TFB1M: variants seen among roughly 807,000 people sequenced by gnomAD.
TFB1M encodes the protein dimethyladenosine transferase 1, mitochondrial.
Under a neutral mutation model 31.1 loss-of-function variants are expected in TFB1M, and 27 were observed. The ratio of observed to expected loss-of-function variants is 0.87; its 90% CI spans 0.64 to 1.20. The LOEUF is 1.20. TFB1M is among the 50% of genes most tolerant of loss of function. TFB1M has a pLI of 0.00. For missense variants in TFB1M, 394 were observed against 418.7 expected (o/e 0.94, Z 0.51); for synonymous variants, 166 against 151.8 (o/e 1.09, Z -0.69).
chr6:155,275,832 C>T (rs1235641400), intron 5 of TFB1M: 1 of 1,614,090 alleles, frequency 6.2e-7, no homozygotes, highest in Non-Finnish European at 8.5e-7. Flanking sequence ...GATGTGGACT[C>T]CAACATCATA....
intron 5 of TFB1M, among the ~76,000 whole-genome samples, chr6:155,284,188 A>G (rs143811235): frequency 6.4e-4 from 98 of 152,354 alleles, no homozygotes; most frequent in African/African-American, 2.3e-3. Context: ...GAGCATGGAG[A>G]TCACTTAGGC....
At position 155,257,843 on chromosome 6, in the gene TFB1M, CTG is replaced by C; in HGVS notation, c.1032_1033del (p.Tyr344Ter). ...CTCGCCCCCAGGCAGCAGCTAGAGT[CTG>C]TAATTCTCTGCGTCATCCTCTTCTT... On this transcript the variant is annotated stop_gained and frameshift_variant, in exon 7 of 7. Transcript: ENST00000367166. LOFTEE classifies it high-confidence loss of function. 3 of 1,614,136 alleles carry C rather than the reference CTG, an allele frequency of 1.9e-6. No homozygotes were observed. The highest frequency in any genetic ancestry group is 2.2e-5 in the East Asian group (1 of 44,888).
intron 5 of TFB1M, among the ~76,000 whole-genome samples, chr6:155,264,600 TC>T (rs201314804): frequency 0.012 from 1,782 of 152,344 alleles, 37 homozygotes; most frequent in African/African-American, 0.038. Context: ...AGAAGTTCTG[TC>T]CTCACCCTTT....
Position 155,257,004 on chromosome 6 carries a change from T to C in TFB1M, c.*832A>G, listed in dbSNP as rs781432314. 8.7e-6 allele frequency: 14 copies of C among 1,614,192 alleles called. No homozygotes were observed. The highest frequency in any genetic ancestry group is 9.3e-6 in the Non-Finnish European group (11 of 1,180,040). On this transcript the variant is annotated 3_prime_UTR_variant, in exon 7 of 7. Coordinates refer to ENST00000367166, the MANE Select transcript of TFB1M (RefSeq NM_016020.4). ...GTCACCAGTCCCTTGACAGTCAGTC[T>C]GAAAATGCCACCATCGACCTAAATT...
chr6:155,299,217 TC>T (rs1777320949), intron 2 of TFB1M, among the ~76,000 whole-genome samples: 1 of 152,112 alleles, frequency 6.6e-6, no homozygotes, highest in African/African-American at 2.4e-5. Flanking sequence ...AATAGCTACT[TC>T]CCAACCTATT....
At chr6:155,265,538 C>T (rs1356392434) in intron 5 of TFB1M, among the ~76,000 whole-genome samples, 2 of 151,394 alleles carry the variant, frequency 1.3e-5, no homozygotes, top group East Asian at 1.9e-4. Flanking sequence ...TAGGTCAAAT[C>T]ACTTTAAATT....
chr6:155,263,362 A>G (rs1784475896), intron 5 of TFB1M, among the ~76,000 whole-genome samples: 1 of 152,262 alleles, frequency 6.6e-6, no homozygotes, highest in Non-Finnish European at 1.5e-5. Flanking sequence ...TTCTAGTTTA[A>G]TGCCGCCAGC....
At chr6:155,236,801 G>A in the TFB1M span, among the ~76,000 whole-genome samples, 1 of 152,238 alleles carries the variant, frequency 6.6e-6, no homozygotes, top group Non-Finnish European at 1.5e-5. Context: ...GCATGGGAAA[G>A]GCCCACCCCC....
At chr6:155,272,264 C>T (rs879611819) in intron 5 of TFB1M, among the ~76,000 whole-genome samples, 5 of 152,068 alleles carry the variant, frequency 3.3e-5, no homozygotes, top group Non-Finnish European at 5.9e-5. Flanking sequence ...TTATTTAGTT[C>T]GAATTATAAG....
intron 4 of TFB1M, among the ~76,000 whole-genome samples, chr6:155,292,071 G>C (rs1006144155): frequency 2.6e-5 from 4 of 152,220 alleles, no homozygotes; most frequent in Admixed American, 2.6e-4. Context: ...GAAATGGAAA[G>C]GAGATGAGCC....
intron 5 of TFB1M, chr6:155,275,915 C>G (rs751433414): frequency 6.2e-7 from 1 of 1,614,152 alleles, no homozygotes; most frequent in South Asian, 1.1e-5. Context: ...CAGCTGTGCC[C>G]TGAAACACTC....
chr6:155,271,203 A>G (rs1361485680), intron 5 of TFB1M, among the ~76,000 whole-genome samples: 5 of 152,240 alleles, frequency 3.3e-5, no homozygotes, highest in Admixed American at 3.3e-4. Context: ...TAATAAAATT[A>G]TCTTCTTTCT....
chr6:155,298,670 A>C, intron 2 of TFB1M, 85 bp from the exon 3 acceptor site: 1 of 914,204 alleles, frequency 1.1e-6, no homozygotes, highest in East Asian at 2.5e-5. Context: ...GCATTTAAAA[A>C]ATCAGTTAAA....
In TFB1M at chr6:155,257,568, T is replaced by A; in HGVS notation, c.*268A>T. On this transcript the variant is annotated 3_prime_UTR_variant, in exon 7 of 7. Transcript: ENST00000367166. ...GTTTAGGGGCAAAATGTGCAGATAC[T>A]TCATTTTTGTAAGATAGATTGTAAT... The A allele has an allele frequency of 2.8e-6, 1 of 358,908 alleles. No individual in the cohort carries two copies. Among genetic ancestry groups the A allele is most frequent in the Non-Finnish European group, 4.5e-6 (1 of 220,916 alleles). 22.2% of individuals were successfully genotyped at this position (358,908 alleles called of 1,614,324 possible).
At chr6:155,251,935 C>T (rs1193570567), downstream of TFB1M, 14 of 1,597,050 alleles carry the variant, frequency 8.8e-6, no homozygotes, top group Non-Finnish European at 1.1e-5. Flanking sequence ...TTCTCTTTTC[C>T]TTTCTTTAGT....
chr6:155,236,723 T>G, the TFB1M span, among the ~76,000 whole-genome samples: 2 of 152,152 alleles, frequency 1.3e-5, no homozygotes, highest in African/African-American at 4.8e-5. Flanking sequence ...CAAAGAGAGC[T>G]TGTGCAGAGA....
chr6:155,306,931 T>C (rs1366560241), intron 2 of TFB1M, among the ~76,000 whole-genome samples: 1 of 152,102 alleles, frequency 6.6e-6, no homozygotes, highest in African/African-American at 2.4e-5. Context: ...GACCACCATG[T>C]AGAAATGGTG....
chr6:155,282,796 C>T (rs1776432879), intron 5 of TFB1M, among the ~76,000 whole-genome samples: 2 of 151,470 alleles, frequency 1.3e-5, no homozygotes, highest in South Asian at 2.1e-4. Flanking sequence ...GGTGCCATCT[C>T]GCCTCGCTGC....
intron 5 of TFB1M, chr6:155,276,657 G>T (rs201944589): frequency 9.6e-6 from 2 of 209,210 alleles, no homozygotes; most frequent in South Asian, 9.1e-5. Context: ...TTATTTGATA[G>T]CTTTTTCAAG....
Sources: gnomAD v4.1 joint callset for allele counts (sites outside exome capture counted in the v4.1 genomes callset) on GRCh38, gnomAD v4.1.1 for gene constraint, MANE v1.5 for transcripts, NCBI Gene and HGNC (gene_info 2026-07-23, HGNC 2026-07-21) for gene names.